PTPRT: variants seen among roughly 807,000 people sequenced by gnomAD.
PTPRT encodes protein tyrosine phosphatase receptor type T, also known as receptor-type tyrosine-protein phosphatase T.
A neutral mutation model predicts 176.8 loss-of-function variants in PTPRT; 56 were observed. The ratio of observed to expected loss-of-function variants is 0.32; its 90% CI spans 0.26 to 0.40. The LOEUF is 0.40. Ranked by LOEUF, PTPRT falls within the 10% of genes least tolerant of loss-of-function variation. PTPRT has a pLI of 1.00. For synonymous variants in PTPRT, 783 were observed against 739.0 expected (o/e 1.06, Z -0.96); for missense variants, 1,540 against 1,908.2 (o/e 0.81, Z 3.60).
intron 1 of PTPRT, among the ~76,000 whole-genome samples, chr20:42,890,132 C>T (rs2079167820): frequency 6.6e-6 from 1 of 152,192 alleles, no homozygotes; most frequent in African/African-American, 2.4e-5. Flanking sequence ...TTCTCATCAT[C>T]ATTCTCAATA....
At chr20:42,244,461 C>A (rs2146895881) in intron 14 of PTPRT, among the ~76,000 whole-genome samples, 1 of 152,282 alleles carries the variant, frequency 6.6e-6, no homozygotes, top group East Asian at 1.9e-4. Context: ...CAGGGTCTGG[C>A]TAGAACCATG....
chr20:42,914,453 T>C (rs1312097099), intron 1 of PTPRT, among the ~76,000 whole-genome samples: 1 of 152,148 alleles, frequency 6.6e-6, no homozygotes, highest in African/African-American at 2.4e-5. Context: ...TAAAACCCAA[T>C]TCAAAAACCA....
At chr20:42,993,989 C>CA (rs952553145) in intron 1 of PTPRT, among the ~76,000 whole-genome samples, 16 of 152,166 alleles carry the variant, frequency 1.1e-4, no homozygotes, top group African/African-American at 3.9e-4. Context: ...TTCTCAGTGA[C>CA]AGACTTGAGT....
At chr20:42,144,997 T>C (rs1220199507) in intron 17 of PTPRT, among the ~76,000 whole-genome samples, 1 of 152,186 alleles carries the variant, frequency 6.6e-6, no homozygotes, top group Admixed American at 6.5e-5. Context: ...CTCTCAAGTG[T>C]TAAGTCAACC....
At position 42,616,372 on chromosome 20, in the gene PTPRT, G is replaced by A. The variant is rs2145840799; in HGVS notation, c.1153+61494C>T. 1.7e-5 allele frequency among the ~76,000 whole-genome samples: 2 copies of A among 121,014 alleles called. 1 individual carries two copies. The highest frequency in any genetic ancestry group is 7.6e-5 in the African/African-American group (2 of 26,204). The allele number at this position is 121,014 out of a possible 152,430, so 79.4% of individuals were successfully genotyped here. On this transcript the variant is annotated intron_variant, in intron 7 of 30. Coordinates refer to ENST00000373187, the MANE Select transcript of PTPRT (RefSeq NM_007050.6). ...AGTATAGTTTGAAGTCAGGTAGTGT[G>A]ATGCCTCCAGCTTTGTTCTTTTGGG...
chr20:42,889,967 T>C (rs762420763), intron 1 of PTPRT, among the ~76,000 whole-genome samples: 1 of 152,174 alleles, frequency 6.6e-6, no homozygotes, highest in Non-Finnish European at 1.5e-5. Context: ...TGTGTTTTTA[T>C]AATAAAAGCC....
intron 7 of PTPRT, among the ~76,000 whole-genome samples, chr20:42,512,961 G>C (rs1346356864): frequency 6.6e-6 from 1 of 152,106 alleles, no homozygotes; most frequent in Admixed American, 6.6e-5. Context: ...CTGGGTTCAA[G>C]GGATTCTCCT....
intron 27 of PTPRT, among the ~76,000 whole-genome samples, chr20:42,093,334 C>T (rs190479661): frequency 6.6e-6 from 1 of 152,178 alleles, no homozygotes; most frequent in Non-Finnish European, 1.5e-5. Flanking sequence ...GATTTTACCC[C>T]GCAAATCTGA....
At chr20:42,785,035 G>A (rs2077268584) in intron 3 of PTPRT, among the ~76,000 whole-genome samples, 1 of 152,146 alleles carries the variant, frequency 6.6e-6, no homozygotes, top group South Asian at 2.1e-4. Flanking sequence ...AAAAAGTTAA[G>A]TTGGTGAGGT....
intron 1 of PTPRT, among the ~76,000 whole-genome samples, chr20:43,162,064 G>C (rs1162491315): frequency 6.6e-6 from 1 of 152,160 alleles, no homozygotes; most frequent in Admixed American, 6.5e-5. Flanking sequence ...GCAAGAAGCA[G>C]GGAAATGTAA....
chr20:42,166,119 C>T (rs936923103), intron 16 of PTPRT, among the ~76,000 whole-genome samples: 2 of 152,190 alleles, frequency 1.3e-5, no homozygotes, highest in African/African-American at 4.8e-5. Flanking sequence ...TCAACAGACA[C>T]TGGTAAATGG....
At chr20:42,652,233 G>A (rs961752965) in intron 7 of PTPRT, among the ~76,000 whole-genome samples, 1 of 152,088 alleles carries the variant, frequency 6.6e-6, no homozygotes, top group Non-Finnish European at 1.5e-5. Flanking sequence ...CAGGATACTT[G>A]GAGAGATTCC....
intron 7 of PTPRT, among the ~76,000 whole-genome samples, chr20:42,620,796 G>A (rs917734389): frequency 2.4e-4 from 37 of 152,112 alleles, no homozygotes; most frequent in Admixed American, 1.2e-3. Flanking sequence ...GCCCTGCTTC[G>A]GCTTGCGCAC....
intron 9 of PTPRT, among the ~76,000 whole-genome samples, chr20:42,405,985 T>G (rs1191925767): frequency 2.6e-5 from 4 of 152,128 alleles, no homozygotes; most frequent in Non-Finnish European, 2.9e-5. Flanking sequence ...ACACAGACCC[T>G]AGATCAAACA....
At chr20:43,098,021 G>A (rs1428348034) in intron 1 of PTPRT, among the ~76,000 whole-genome samples, 2 of 152,038 alleles carry the variant, frequency 1.3e-5, no homozygotes, top group South Asian at 2.1e-4. Context: ...AGTCCCCTTC[G>A]CCAGCTTCCA....
intron 2 of PTPRT, among the ~76,000 whole-genome samples, chr20:42,834,304 C>CT (rs2078143542): frequency 6.6e-6 from 1 of 151,972 alleles, no homozygotes; most frequent in Non-Finnish European, 1.5e-5. Context: ...CAATAAGACA[C>CT]AACTGCACAT....
intron 27 of PTPRT, among the ~76,000 whole-genome samples, chr20:42,095,653 TG>T (rs1985133266): frequency 6.6e-6 from 1 of 152,240 alleles, no homozygotes; most frequent in African/African-American, 2.4e-5. Context: ...CAAACACTCG[TG>T]TCAGCCTTCT....
chr20:42,995,718 A>G (rs1395680095), intron 1 of PTPRT, among the ~76,000 whole-genome samples: 1 of 152,100 alleles, frequency 6.6e-6, no homozygotes, highest in Non-Finnish European at 1.5e-5. Flanking sequence ...AAGAAATCCC[A>G]TGTCTAAAAG....
intron 11 of PTPRT, among the ~76,000 whole-genome samples, chr20:42,341,558 G>C (rs2058112173): frequency 6.6e-6 from 1 of 152,096 alleles, no homozygotes; most frequent in Non-Finnish European, 1.5e-5. Context: ...GTGTTTCCTT[G>C]ATAAAGTTTC....
Sources: gnomAD v4.1 joint callset for allele counts (sites outside exome capture counted in the v4.1 genomes callset) on GRCh38, gnomAD v4.1.1 for gene constraint, MANE v1.5 for transcripts, NCBI Gene and HGNC (gene_info 2026-07-23, HGNC 2026-07-21) for gene names.